UGT3A1: variants seen among roughly 807,000 people sequenced by gnomAD.
UGT3A1 encodes the protein UDP glycosyltransferase family 3 member A1, also known as UDP-glycosyltransferase 3A1.
Under a neutral mutation model 37.6 loss-of-function variants are expected in UGT3A1, and 40 were observed. That is an observed-to-expected ratio of 1.06 (90% CI 0.83 to 1.38). The LOEUF is 1.38. Ranked by LOEUF, UGT3A1 falls within the 40% of genes most tolerant of loss-of-function variation. UGT3A1 has a pLI of 0.00. For missense variants in UGT3A1, 642 were observed against 634.2 expected (o/e 1.01, Z -0.13); for synonymous variants, 256 against 232.3 (o/e 1.10, Z -0.93).
At chr5:35,956,757 C>T (rs915601976) in intron 5 of UGT3A1, among the ~76,000 whole-genome samples, 1 of 152,118 alleles carries the variant, frequency 6.6e-6, no homozygotes, top group South Asian at 2.1e-4. Flanking sequence ...TATAGGTATA[C>T]GTGTGTTTGT....
Position 35,955,722 on chromosome 5 carries a change from A to G in UGT3A1, c.1218T>C (p.Tyr406=), listed in dbSNP as rs1580912814. 2 of 1,614,230 alleles carry G rather than the reference A, an allele frequency of 1.2e-6. No homozygotes were observed. Among genetic ancestry groups the G allele is most frequent in the Non-Finnish European group, 8.5e-7 (1 of 1,180,036 alleles). The change falls in exon 6 of 7, where the codon TAT becomes TAC. Residue 406 remains tyrosine, a synonymous_variant. Transcript: ENST00000274278. ...CCTGATTCAACCGGATAGAGACACC[A>G]TAATTTTTGGCTACTACTCGGACCA... ...GNMVRVVAKN[Y]GVSIRLNQVT...
Position 35,953,202 on chromosome 5 carries a change from A to T in UGT3A1, c.*1000T>A, listed in dbSNP as rs1356667457. On this transcript the variant is annotated 3_prime_UTR_variant, in exon 7 of 7. Transcript: ENST00000274278. Reference sequence around the variant, plus strand: ...ATTTCATGAACACCAGCTATCAGAGAGGTAGTTTGGTGTTACACTAAGGAA... The same window carrying T: ...ATTTCATGAACACCAGCTATCAGAGTGGTAGTTTGGTGTTACACTAAGGAA... 1.3e-5 allele frequency: 2 copies of T among 152,314 alleles called. No individual in the cohort carries two copies. Among genetic ancestry groups the T allele is most frequent in the Admixed American group, 1.3e-4 (2 of 15,280 alleles). 9.4% of individuals were successfully genotyped at this position (152,314 alleles called of 1,614,324 possible).
At chr5:35,990,834 G>C in intron 1 of UGT3A1, 9 of 940,466 alleles carry the variant, frequency 9.6e-6, no homozygotes, top group Non-Finnish European at 1.3e-5. Flanking sequence ...CTCTAGAGAA[G>C]GCAGCCCAGG....
chr5:35,987,064 T>C (rs1740756797), intron 2 of UGT3A1, among the ~76,000 whole-genome samples: 1 of 152,078 alleles, frequency 6.6e-6, no homozygotes, highest in Non-Finnish European at 1.5e-5. Context: ...CAGTTATGAG[T>C]TGGAAAAATA....
chr5:35,962,931 G>A, intron 4 of UGT3A1: 1 of 702,946 alleles, frequency 1.4e-6, no homozygotes, highest in Non-Finnish European at 2.6e-6. Context: ...TGGGGGTGGT[G>A]AAGAGAGCTG....
chr5:35,955,260 A>G, intron 6 of UGT3A1: 1 of 351,864 alleles, frequency 2.8e-6, no homozygotes, highest in South Asian at 5.1e-5. Flanking sequence ...TGTGAAGAGA[A>G]GGGAAGGGTG....
chr5:35,970,167 G>C (rs1373635199), intron 2 of UGT3A1, among the ~76,000 whole-genome samples: 1 of 152,088 alleles, frequency 6.6e-6, no homozygotes, highest in Non-Finnish European at 1.5e-5. Flanking sequence ...GAGGCAGGCA[G>C]ATCATGAGGT....
At chr5:35,999,236 CAAA>C (rs34007699) in intron 1 of UGT3A1, among the ~76,000 whole-genome samples, 1 of 103,056 alleles carries the variant, frequency 9.7e-6, no homozygotes. Flanking sequence ...GACTCCATCT[CAAA>C]AAAAAAAAAA....
At chr5:35,954,599 G>T in intron 6 of UGT3A1, 121 bp from the exon 7 acceptor site, 1 of 1,292,678 alleles carries the variant, frequency 7.7e-7, no homozygotes, top group Non-Finnish European at 1.0e-6. Context: ...ACCAAGGCTG[G>T]GCTGCAAAGA....
chr5:35,965,417 A>C lies in UGT3A1; in HGVS notation c.812T>G (p.Leu271Trp). 6.2e-7 allele frequency: 1 copy of C among 1,614,058 alleles called. No individual in the cohort carries two copies. Among genetic ancestry groups the C allele is most frequent in the South Asian group, 1.1e-5 (1 of 91,066 alleles). The change falls in exon 4 of 7, where the codon TTG becomes TGG. Residue 271 changes from leucine to tryptophan, a missense_variant. Leu to Trp is a moderately conservative substitution (Grantham distance 61). Coordinates refer to ENST00000274278, the MANE Select transcript of UGT3A1 (RefSeq NM_152404.4). ...LLPNTVYIGGLMEKPIKPVPQ... is the reference protein window; with the variant it reads ...LLPNTVYIGGWMEKPIKPVPQ... The stretch of plus-strand genomic sequence containing the variant: ...TACTGGTTTAATAGGTTTTTCCATC[A>C]AGCCTCCAATATAAACAGTGTTGGG...
At chr5:35,976,410 T>C (rs1000174482) in intron 2 of UGT3A1, among the ~76,000 whole-genome samples, 1 of 152,214 alleles carries the variant, frequency 6.6e-6, no homozygotes, top group African/African-American at 2.4e-5. Context: ...TTAAGAAGGA[T>C]AACTAATGGT....
intron 4 of UGT3A1, among the ~76,000 whole-genome samples, chr5:35,960,206 C>T (rs907032501): frequency 5.3e-5 from 8 of 152,090 alleles, no homozygotes; most frequent in African/African-American, 1.9e-4. Context: ...TAAGAAATAT[C>T]AAGAACCCTG....
chr5:35,977,477 G>T (rs116063401), intron 2 of UGT3A1, among the ~76,000 whole-genome samples: 1 of 152,116 alleles, frequency 6.6e-6, no homozygotes, highest in Non-Finnish European at 1.5e-5. Context: ...GGACAGCTTG[G>T]TGCTGTCACC....
chr5:35,959,797 TACACAC>T (rs138036092), intron 4 of UGT3A1, among the ~76,000 whole-genome samples: 1 of 151,526 alleles, frequency 6.6e-6, no homozygotes. Flanking sequence ...AAAAATAACA[TACACAC>T]ACACACACTA....
chr5:35,973,921 C>T (rs886580656), intron 2 of UGT3A1, among the ~76,000 whole-genome samples: 1 of 152,164 alleles, frequency 6.6e-6, no homozygotes, highest in East Asian at 1.9e-4. Context: ...GCTAATTAAT[C>T]ATGGCATCCC....
intron 1 of UGT3A1, among the ~76,000 whole-genome samples, chr5:35,998,087 A>G (rs1277179502): frequency 9.9e-5 from 15 of 152,204 alleles, no homozygotes; most frequent in Non-Finnish European, 2.2e-4. Flanking sequence ...GCCTACCTAA[A>G]AAAATGAACA....
intron 1 of UGT3A1, 98 bp from the exon 2 acceptor site, chr5:35,988,649 G>A (rs564901706): frequency 2.3e-6 from 2 of 887,912 alleles, no homozygotes; most frequent in African/African-American, 3.4e-5. Context: ...AGCAGAAAAA[G>A]CATAGGGAAG....
intron 2 of UGT3A1, among the ~76,000 whole-genome samples, chr5:35,976,595 T>C (rs1056105237): frequency 6.6e-6 from 1 of 152,110 alleles, no homozygotes; most frequent in Non-Finnish European, 1.5e-5. Flanking sequence ...ATCCCAGCAC[T>C]TTGAAAGGCC....
chr5:35,977,089 AG>A (rs1393778206), intron 2 of UGT3A1, among the ~76,000 whole-genome samples: 4 of 75,270 alleles, frequency 5.3e-5, no homozygotes, highest in African/African-American at 2.0e-4. Flanking sequence ...AAAGAAAGAA[AG>A]AGAAAGAAAG....
Sources: allele counts gnomAD v4.1 joint callset (sites outside exome capture counted in the v4.1 genomes callset), GRCh38; gene constraint gnomAD v4.1.1; transcripts MANE v1.5; gene names NCBI Gene and HGNC (gene_info 2026-07-23, HGNC 2026-07-21).